GABPB1: variants seen among roughly 807,000 people sequenced by gnomAD.
GABPB1 encodes the protein GA-binding protein subunit beta-1.
GABPB1 carries 15 observed loss-of-function variants against 45.9 expected under a neutral mutation model. The ratio of observed to expected loss-of-function variants is 0.33; its 90% CI spans 0.22 to 0.50. The LOEUF is 0.50. Ranked by LOEUF, GABPB1 falls within the 20% of genes least tolerant of loss-of-function variation. The pLI is 0.98. For synonymous variants in GABPB1, 143 were observed against 154.4 expected (o/e 0.93, Z 0.55); for missense variants, 252 against 457.5 (o/e 0.55, Z 4.10).
intron 1 of GABPB1, among the ~76,000 whole-genome samples, chr15:50,323,670 G>A (rs949403262): frequency 6.6e-6 from 1 of 152,008 alleles, no homozygotes; most frequent in African/African-American, 2.4e-5. Context: ...GACCAGCCTG[G>A]GCAACACACA....
chr15:50,342,894 T>TTTTG (rs561240470), intron 1 of GABPB1, among the ~76,000 whole-genome samples: 59 of 152,256 alleles, frequency 3.9e-4, no homozygotes, highest in Middle Eastern at 3.4e-3. Context: ...TAACATTTGT[T>TTTTG]TTTGTTTGTT....
At chr15:50,336,820 T>C (rs1427789611) in intron 1 of GABPB1, among the ~76,000 whole-genome samples, 13 of 151,224 alleles carry the variant, frequency 8.6e-5, no homozygotes, top group Admixed American at 8.6e-4. Context: ...TTATAAGAAG[T>C]TAAATGTAGC....
chr15:50,318,471 A>G (rs2047429588), intron 1 of GABPB1, among the ~76,000 whole-genome samples: 1 of 152,130 alleles, frequency 6.6e-6, no homozygotes, highest in Admixed American at 6.6e-5. Context: ...CCATATATGT[A>G]TCTCCCATAT....
chr15:50,331,943 C>A (rs1029556187), intron 1 of GABPB1, among the ~76,000 whole-genome samples: 1 of 151,412 alleles, frequency 6.6e-6, no homozygotes, highest in Non-Finnish European at 1.5e-5. Context: ...TGCATGATCT[C>A]TGCTCACTGC....
Position 50,278,506 on chromosome 15 carries a change from G to T in GABPB1, c.*126C>A. ...CAAGAACTCAGAGCTCATGGCTTAA[G>T]TCCAATTATCCATCTGTAGTCTCTT... On this transcript the variant is annotated 3_prime_UTR_variant, in exon 9 of 9. Coordinates refer to ENST00000380877, the MANE Select transcript of GABPB1 (RefSeq NM_016654.5). 3.3e-6 allele frequency: 2 copies of T among 613,214 alleles called. No homozygotes were observed. Among genetic ancestry groups the T allele is most frequent in the East Asian group, 3.0e-5 (1 of 33,022 alleles). 38.0% of individuals were successfully genotyped at this position (613,214 alleles called of 1,614,324 possible).
chr15:50,335,058 A>G (rs2048073345), intron 1 of GABPB1, among the ~76,000 whole-genome samples: 1 of 152,150 alleles, frequency 6.6e-6, no homozygotes, highest in African/African-American at 2.4e-5. Flanking sequence ...GAACATTTGC[A>G]TTTGCTTCTG....
intron 1 of GABPB1, among the ~76,000 whole-genome samples, chr15:50,348,317 C>T (rs1432623253): frequency 6.6e-6 from 1 of 152,112 alleles, no homozygotes; most frequent in Admixed American, 6.6e-5. Context: ...TACAGTGGCA[C>T]AATCTCCGCT....
rs2045833538 is a variant in GABPB1, at chr15:50,275,944, C to T, written c.*2688G>A. 6.6e-6 allele frequency: 1 copy of T among 152,130 alleles called. No individual in the cohort carries two copies. Among genetic ancestry groups the T allele is most frequent in the South Asian group, 2.1e-4 (1 of 4,818 alleles). 9.4% of individuals were successfully genotyped at this position (152,130 alleles called of 1,614,324 possible). The stretch of plus-strand genomic sequence containing the variant: ...GACTATACAGAGGGAAGTGTTAAAT[C>T]TGAATAAAGTAATTGGGCAGTCAAG... On this transcript the variant is annotated 3_prime_UTR_variant, in exon 9 of 9. Coordinates refer to ENST00000380877, the MANE Select transcript of GABPB1 (RefSeq NM_016654.5).
chr15:50,285,556 G>C (rs1460512775), intron 8 of GABPB1, among the ~76,000 whole-genome samples: 1 of 152,068 alleles, frequency 6.6e-6, no homozygotes. Flanking sequence ...TTGGGAGAGG[G>C]GAAAAAATGA....
chr15:50,278,896 C>G, intron 8 of GABPB1, 112 bp from the exon 9 acceptor site: 1 of 793,256 alleles, frequency 1.3e-6, no homozygotes, highest in African/African-American at 1.8e-5. Flanking sequence ...TAAAAGCAGC[C>G]ACCTATTGAA....
intron 1 of GABPB1, chr15:50,351,153 G>A (rs2048804887): frequency 6.6e-6 from 1 of 152,186 alleles, no homozygotes; most frequent in African/African-American, 2.4e-5. Flanking sequence ...GTCTGAGAAT[G>A]AATACAAGGT....
At chr15:50,340,022 G>A (rs1253957264) in intron 1 of GABPB1, among the ~76,000 whole-genome samples, 1 of 152,222 alleles carries the variant, frequency 6.6e-6, no homozygotes, top group East Asian at 1.9e-4. Context: ...ACCCCAAGGT[G>A]ATGGTATTAG....
intron 8 of GABPB1, among the ~76,000 whole-genome samples, chr15:50,283,312 ACAT>A (rs936178157): frequency 2.6e-4 from 39 of 152,192 alleles, no homozygotes; most frequent in African/African-American, 7.7e-4. Context: ...AAAATTATAT[ACAT>A]TATTGCAATT....
chr15:50,320,427 C>A (rs577021414), intron 1 of GABPB1, among the ~76,000 whole-genome samples: 38 of 152,344 alleles, frequency 2.5e-4, no homozygotes, highest in Admixed American at 1.9e-3. Flanking sequence ...CTTGGCCTCC[C>A]AAAGTGCTGG....
chr15:50,305,146 C>A (rs2046898270), intron 2 of GABPB1, among the ~76,000 whole-genome samples: 1 of 152,074 alleles, frequency 6.6e-6, no homozygotes, highest in African/African-American at 2.4e-5. Flanking sequence ...TCCCTATAAC[C>A]CTCTGATTAC....
At chr15:50,343,664 G>A (rs989163373) in intron 1 of GABPB1, among the ~76,000 whole-genome samples, 4 of 151,972 alleles carry the variant, frequency 2.6e-5, no homozygotes, top group Admixed American at 6.6e-5. Flanking sequence ...TCAGCCTCCC[G>A]AGTGGCTGGG....
chr15:50,282,560 G>GAAAAAGAAAAAAAAAAAA (rs2046013980), intron 8 of GABPB1, among the ~76,000 whole-genome samples: 1 of 89,024 alleles, frequency 1.1e-5, no homozygotes, highest in African/African-American at 3.8e-5. Flanking sequence ...CCTTAAAAAA[G>GAAAAAGAAAAAAAAAAAA]AAAAAAAAAA....
intron 1 of GABPB1, among the ~76,000 whole-genome samples, chr15:50,333,916 G>C (rs1283714970): frequency 1.3e-5 from 2 of 151,770 alleles, no homozygotes; most frequent in Admixed American, 1.3e-4. Context: ...TGTAATCTCA[G>C]CTATTAGGGA....
In GABPB1 at chr15:50,325,527, T is replaced by A. The variant is rs1006387902; in HGVS notation, c.1-15729A>T. 2.0e-5 allele frequency among the ~76,000 whole-genome samples: 3 copies of A among 149,226 alleles called. No homozygotes were observed. In the South Asian group the frequency reaches 6.4e-4, roughly 32 times the overall value. On this transcript the variant is annotated intron_variant, in intron 1 of 8. Transcript: ENST00000380877. ...GCTGTTCTAGAATCACTGGTCAAAC[T>A]TTTTTTTTTGTTTTTTTTTCTTGAG...
Sources: allele counts gnomAD v4.1 joint callset (sites outside exome capture counted in the v4.1 genomes callset), GRCh38; gene constraint gnomAD v4.1.1; transcripts MANE v1.5; gene names NCBI Gene and HGNC (gene_info 2026-07-23, HGNC 2026-07-21).